EXOC4: variants seen among roughly 807,000 people sequenced by gnomAD.
The protein encoded by EXOC4 is exocyst complex component 4.
In EXOC4, 71 loss-of-function variants were observed where a neutral mutation model predicts 107.2. That is an observed-to-expected ratio of 0.66 (90% CI 0.55 to 0.81). EXOC4 has a LOEUF of 0.81. Among genes scored for constraint, EXOC4 ranks in the 30% least tolerant of loss-of-function variants. The pLI is 0.00. For missense variants in EXOC4, 1,108 were observed against 1,189.6 expected (o/e 0.93, Z 1.01); for synonymous variants, 456 against 441.2 (o/e 1.03, Z -0.42).
At chr7:133,503,197 C>G (rs189348249) in intron 9 of EXOC4, among the ~76,000 whole-genome samples, 2 of 152,192 alleles carry the variant, frequency 1.3e-5, no homozygotes, top group East Asian at 3.9e-4. Flanking sequence ...TTGTGTGACT[C>G]TGGTTTCTCT....
intron 7 of EXOC4, among the ~76,000 whole-genome samples, chr7:133,416,299 A>G (rs1327909703): frequency 1.3e-5 from 2 of 152,202 alleles, no homozygotes; most frequent in East Asian, 3.9e-4. Flanking sequence ...ACCATCACCC[A>G]TGTGAACAGT....
At chr7:133,751,444 C>T (rs1032671470) in intron 10 of EXOC4, among the ~76,000 whole-genome samples, 7 of 152,094 alleles carry the variant, frequency 4.6e-5, no homozygotes, top group Non-Finnish European at 8.8e-5. Context: ...GCTGCTTTGC[C>T]TCCACCCAAA....
intron 12 of EXOC4, 47 bp from the exon 13 acceptor site, chr7:133,917,536 T>A (rs1245220926): frequency 6.3e-7 from 1 of 1,580,310 alleles, no homozygotes. Context: ...GCTAACTGAA[T>A]ACCAGGCATC....
intron 12 of EXOC4, among the ~76,000 whole-genome samples, chr7:133,912,143 G>T (rs1375206092): frequency 6.6e-6 from 1 of 152,198 alleles, no homozygotes; most frequent in Non-Finnish European, 1.5e-5. Context: ...GTCATGGTTT[G>T]CCCACCCCAT....
chr7:133,723,592 C>T (rs752408443), intron 10 of EXOC4, among the ~76,000 whole-genome samples: 2 of 151,966 alleles, frequency 1.3e-5, no homozygotes, highest in South Asian at 2.1e-4. Flanking sequence ...CTGGGTTCAG[C>T]GATTCTTGTG....
At chr7:133,329,002 C>T (rs764961654) in intron 5 of EXOC4, among the ~76,000 whole-genome samples, 2 of 152,116 alleles carry the variant, frequency 1.3e-5, no homozygotes, top group African/African-American at 2.4e-5. Flanking sequence ...GGATAATATC[C>T]TGAAGAATGT....
At chr7:133,617,929 C>G (rs867620919) in intron 9 of EXOC4, among the ~76,000 whole-genome samples, 1 of 151,896 alleles carries the variant, frequency 6.6e-6, no homozygotes, top group Non-Finnish European at 1.5e-5. Flanking sequence ...ACTTTCAAAC[C>G]GGGCCTTAAA....
At chr7:134,080,093 T>A in the EXOC4 span, among the ~76,000 whole-genome samples, 1 of 152,210 alleles carries the variant, frequency 6.6e-6, no homozygotes, top group African/African-American at 2.4e-5. Context: ...ACATTCCTCA[T>A]CTGCATGATT....
rs535753183 is a variant in EXOC4 at position 133,537,303 on chromosome 7, C to G, written c.1417+57165C>G. On this transcript the variant is annotated intron_variant, in intron 9 of 17. Transcript: ENST00000253861. ...GTAGTTGGGATTACAGGCACCCCCC[C>G]CCCCACCACACCTGACTAATTTTTT... Among the ~76,000 whole-genome samples, 16 of 147,722 alleles carry G rather than the reference C, an allele frequency of 1.1e-4. No homozygotes were observed. The East Asian group carries it at 1.4e-3, about 13-fold the overall frequency.
intron 10 of EXOC4, among the ~76,000 whole-genome samples, chr7:133,657,015 G>T (rs1400494304): frequency 1.3e-5 from 2 of 152,108 alleles, no homozygotes; most frequent in East Asian, 3.9e-4. Context: ...ATCAGAAGTG[G>T]CACATATTAT....
chr7:133,614,541 G>A (rs1157173585), intron 9 of EXOC4, among the ~76,000 whole-genome samples: 1 of 151,936 alleles, frequency 6.6e-6, no homozygotes, highest in South Asian at 2.1e-4. Context: ...GACCTTTAAG[G>A]CTCATTGCAC....
intron 7 of EXOC4, among the ~76,000 whole-genome samples, chr7:133,407,917 A>T (rs912783982): frequency 4.6e-5 from 7 of 152,186 alleles, no homozygotes; most frequent in African/African-American, 1.4e-4. Flanking sequence ...TCACTTTTAG[A>T]TGATAAACCT....
chr7:133,483,308 C>T (rs1376599924), intron 9 of EXOC4, among the ~76,000 whole-genome samples: 1 of 152,102 alleles, frequency 6.6e-6, no homozygotes, highest in Admixed American at 6.6e-5. Context: ...AAGTTGAAGG[C>T]AAAGTAGAGG....
intron 10 of EXOC4, among the ~76,000 whole-genome samples, chr7:133,704,141 C>T (rs901099891): frequency 2.6e-5 from 4 of 152,232 alleles, no homozygotes; most frequent in African/African-American, 7.2e-5. Context: ...TAAATAGTGA[C>T]GAGAACTTGC....
In EXOC4 at chr7:133,674,615, A is replaced by G. The variant is rs575242031; in HGVS notation, c.1514+44474A>G. 3.3e-5 allele frequency among the ~76,000 whole-genome samples: 5 copies of G among 152,274 alleles called. No homozygotes were observed. In the East Asian group the frequency reaches 9.7e-4, roughly 29 times the overall value. ...CTCCCTTTATTGCTGTCATATTACA[A>G]TGAATGTTTTCTGCATATTTATGAA... On this transcript the variant is annotated intron_variant, in intron 10 of 17. Coordinates refer to ENST00000253861, the MANE Select transcript of EXOC4 (RefSeq NM_021807.4).
chr7:133,923,789 C>A (rs1254997210), intron 13 of EXOC4, among the ~76,000 whole-genome samples: 1 of 152,112 alleles, frequency 6.6e-6, no homozygotes, highest in African/African-American at 2.4e-5. Flanking sequence ...TATTTATGGA[C>A]AAGACATTTT....
At chr7:133,529,881 G>T (rs932966771) in intron 9 of EXOC4, among the ~76,000 whole-genome samples, 1 of 152,110 alleles carries the variant, frequency 6.6e-6, no homozygotes, top group African/African-American at 2.4e-5. Context: ...GGATGTTCAG[G>T]AATAGCAACC....
At chr7:133,315,350 C>G (rs1794967443) in intron 4 of EXOC4, 1 of 152,262 alleles carries the variant, frequency 6.6e-6, no homozygotes, top group Admixed American at 6.5e-5. Context: ...CAGGTGTTTG[C>G]CTCTCTTTTC....
intron 11 of EXOC4, among the ~76,000 whole-genome samples, chr7:133,853,337 CTCTCTT>C (rs1798275724): frequency 1.4e-5 from 2 of 143,028 alleles, no homozygotes; most frequent in Non-Finnish European, 3.0e-5. Context: ...CTCTCTCTCT[CTCTCTT>C]TAACACACAC....
Sources: allele counts gnomAD v4.1 joint callset (sites outside exome capture counted in the v4.1 genomes callset), GRCh38; gene constraint gnomAD v4.1.1; transcripts MANE v1.5; gene names NCBI Gene and HGNC (gene_info 2026-07-23, HGNC 2026-07-21).